The following G2E3 variants were observed in gnomAD, a reference collection of about 807,000 sequenced individuals.
G2E3 encodes G2/M phase-specific E3 ubiquitin-protein ligase.
In G2E3, 35 loss-of-function variants were observed where a neutral mutation model predicts 92.8. The observed-to-expected ratio is 0.38, with a 90% CI of 0.29 to 0.50. The LOEUF is 0.50. G2E3 is among the 20% of genes least tolerant of loss of function. The pLI is 0.94. For synonymous variants in G2E3, 242 were observed against 272.4 expected (o/e 0.89, Z 1.10); for missense variants, 554 against 823.8 (o/e 0.67, Z 4.01).
At chr14:30,575,538 G>A (rs568471681) in intron 1 of G2E3, among the ~76,000 whole-genome samples, 13 of 152,114 alleles carry the variant, frequency 8.5e-5, no homozygotes, top group Non-Finnish European at 1.5e-4. Context: ...GGCAAGAGAA[G>A]GAAATAAAGG....
intron 1 of G2E3, among the ~76,000 whole-genome samples, chr14:30,562,075 C>G (rs1261597149): frequency 6.6e-6 from 1 of 152,058 alleles, no homozygotes; most frequent in Non-Finnish European, 1.5e-5. Flanking sequence ...TCCTCACAAC[C>G]ATTTTATTAT....
Position 30,601,843 on chromosome 14 carries a change from T to G in G2E3, c.826T>G (p.Trp276Gly), listed in dbSNP as rs1459129318. The change falls in exon 9 of 15, where the codon TGG becomes GGG. Residue 276 changes from tryptophan to glycine, a missense_variant. By Grantham distance (184) the Trp-to-Gly change is radical. This residue lies in a region of G2E3 where 397 missense variants were observed against 560.3 expected (regional missense o/e 0.71). Coordinates refer to ENST00000206595, the MANE Select transcript of G2E3 (RefSeq NM_017769.5). Reference sequence around the variant, plus strand: ...TTTAGCCTGCTCCTCATTACGGTCATGGGAGCAAAATTGGGAGTGTTTGGA... The same window carrying G: ...TTTAGCCTGCTCCTCATTACGGTCAGGGGAGCAAAATTGGGAGTGTTTGGA... ...THLACSSLRSWEQNWECLECR... is the reference protein window; with the variant it reads ...THLACSSLRSGEQNWECLECR... The G allele has an allele frequency of 1.2e-6, 2 of 1,613,160 alleles. No homozygotes were observed. The highest frequency in any genetic ancestry group is 1.7e-6 in the Non-Finnish European group (2 of 1,179,252).
intron 1 of G2E3, chr14:30,574,457 G>A (rs1356768054): frequency 6.7e-6 from 1 of 149,100 alleles, no homozygotes; most frequent in Non-Finnish European, 1.5e-5. Context: ...GGGTACATGT[G>A]AAGGTTTGTT....
intron 1 of G2E3, among the ~76,000 whole-genome samples, chr14:30,565,730 C>T (rs1285650422): frequency 2.2e-5 from 3 of 136,184 alleles, no homozygotes; most frequent in East Asian, 4.5e-4. Context: ...GGCACAATCT[C>T]GGCTCACTGC....
intron 1 of G2E3, among the ~76,000 whole-genome samples, chr14:30,566,272 C>A (rs74677085): frequency 0.018 from 2,699 of 152,122 alleles, 39 homozygotes; most frequent in Non-Finnish European, 0.03. Flanking sequence ...CTTTTCCATT[C>A]CTGCAAAAAA....
At chr14:30,580,616 T>A (rs960881403) in intron 1 of G2E3, among the ~76,000 whole-genome samples, 1 of 152,238 alleles carries the variant, frequency 6.6e-6, no homozygotes, top group Non-Finnish European at 1.5e-5. Context: ...GAAGAAAAAT[T>A]AAATAGAAAT....
intron 11 of G2E3, 76 bp from the exon 12 acceptor site, chr14:30,607,812 A>T: frequency 1.3e-6 from 1 of 741,012 alleles, no homozygotes; most frequent in Non-Finnish European, 2.1e-6. Context: ...TTTTTGGACT[A>T]ATTTTTAATA....
At chr14:30,608,850 C>T (rs930988296) in intron 12 of G2E3, among the ~76,000 whole-genome samples, 1 of 152,202 alleles carries the variant, frequency 6.6e-6, no homozygotes, top group Non-Finnish European at 1.5e-5. Context: ...GGCGTGGTGG[C>T]ATGTGCCTGT....
chr14:30,606,391 T>C (rs2138897532), intron 11 of G2E3, among the ~76,000 whole-genome samples: 1 of 152,210 alleles, frequency 6.6e-6, no homozygotes, highest in South Asian at 2.1e-4. Context: ...ATAGGAAATT[T>C]GAAAGAAAAT....
At chr14:30,585,649 CTT>C (rs76296662) in intron 2 of G2E3, among the ~76,000 whole-genome samples, 1 of 144,830 alleles carries the variant, frequency 6.9e-6, no homozygotes, top group Non-Finnish European at 1.5e-5. Flanking sequence ...AAAGAACCAA[CTT>C]TTTTTTTTTA....
intron 3 of G2E3, among the ~76,000 whole-genome samples, chr14:30,589,113 C>CTTTTCT (rs1880871938): frequency 1.3e-5 from 2 of 151,932 alleles, no homozygotes; most frequent in Admixed American, 1.3e-4. Flanking sequence ...TCTTTCCTAT[C>CTTTTCT]TTTTCTTTTT....
At position 30,602,104 on chromosome 14, in the gene G2E3, C is replaced by T. The variant is rs142475306; in HGVS notation, c.983C>T (p.Pro328Leu). ...TCACCTAAATTACCCAGACAGTCAC[C>T]TGGATCCCAGAGTAAAGATCTACTG... The part of the protein sequence containing the change: ...ESSPKLPRQS[P>L]GSQSKDLLRQ... Residue 328 changes from proline (P) to leucine (L), a missense_variant, in exon 10 of 15, where the codon CCT becomes CTT. By Grantham distance (98) the Pro-to-Leu change is moderately conservative (BLOSUM62 -3). This residue lies in a region of G2E3 where 397 missense variants were observed against 560.3 expected (regional missense o/e 0.71). Coordinates refer to ENST00000206595, the MANE Select transcript of G2E3 (RefSeq NM_017769.5). The T allele has an allele frequency of 2.3e-4, 368 of 1,610,598 alleles. No homozygotes were observed. The African/African-American group carries it at 4.2e-3, about 19-fold the overall frequency.
chr14:30,591,334 A>G lies in G2E3; in HGVS notation c.238-989A>G, dbSNP rs558105432. Among the ~76,000 whole-genome samples the G allele has an allele frequency of 7.2e-5, 11 of 152,132 alleles. No individual in the cohort carries two copies. In the South Asian group the frequency reaches 1.9e-3, roughly 26 times the overall value. On this transcript the variant is annotated intron_variant, in intron 4 of 14. Coordinates refer to ENST00000206595, the MANE Select transcript of G2E3 (RefSeq NM_017769.5). ...CAAGGTGTTTTAGGTACTGTTCTGTATTTTGCTAATGATTGATTCATTTAA... is the reference window on the plus strand; with the variant it reads ...CAAGGTGTTTTAGGTACTGTTCTGTGTTTTGCTAATGATTGATTCATTTAA...
rs1437889081 is a variant in G2E3, at chr14:30,616,760, T to TA, written c.*227dup. 7.9e-6 allele frequency: 3 copies of TA among 379,520 alleles called. No individual in the cohort carries two copies. The highest frequency in any genetic ancestry group is 1.4e-5 in the Non-Finnish European group (3 of 213,178). 23.5% of individuals were successfully genotyped at this position (379,520 alleles called of 1,614,324 possible). A position where few individuals can be genotyped will look rare whatever the true frequency, so the allele number is the denominator to read the frequency against. ...TGGTGATAATTTCTCATTTTCTTGA[T>TA]ATAGATACTTCATAAACCTCAATAT... On this transcript the variant is annotated 3_prime_UTR_variant, in exon 15 of 15. Transcript: ENST00000206595.
At position 30,615,372 on chromosome 14, in the gene G2E3, T is replaced by G; in HGVS notation, c.1697T>G (p.Leu566Arg). ...AGTTTTAAGCAGGGTCTGAAAACCCTTGGTGTTTTGGAGAAAATTCAGGCT... is the reference window on the plus strand; with the variant it reads ...AGTTTTAAGCAGGGTCTGAAAACCCGTGGTGTTTTGGAGAAAATTCAGGCT... The part of the protein sequence containing the change: ...FESFKQGLKT[L>R]GVLEKIQAYP... The change falls in exon 14 of 15, where the codon CTT (leucine) becomes CGT (arginine). Residue 566 changes from leucine to arginine, a missense_variant. Physicochemically the swap from Leu to Arg is moderately radical, Grantham distance 102. Around this residue, in one of 3 missense-constraint regions of G2E3, gnomAD observed 397 missense variants for 560.3 expected, o/e 0.71. Coordinates refer to ENST00000206595, the MANE Select transcript of G2E3 (RefSeq NM_017769.5). The G allele has an allele frequency of 6.3e-7, 1 of 1,597,296 alleles. No individual in the cohort carries two copies. The highest frequency in any genetic ancestry group is 8.5e-7 in the Non-Finnish European group (1 of 1,172,012).
intron 2 of G2E3, among the ~76,000 whole-genome samples, chr14:30,585,844 C>T (rs999668019): frequency 6.6e-6 from 1 of 152,068 alleles, no homozygotes; most frequent in Non-Finnish European, 1.5e-5. Flanking sequence ...TAAACATCAG[C>T]CAGAGGTGAG....
At chr14:30,562,278 A>G (rs1242148395) in intron 1 of G2E3, among the ~76,000 whole-genome samples, 6 of 152,224 alleles carry the variant, frequency 3.9e-5, no homozygotes, top group Admixed American at 3.9e-4. Flanking sequence ...TAGATCTTAG[A>G]TATGATTATA....
intron 4 of G2E3, chr14:30,590,735 A>C (rs1463159995): frequency 2.2e-6 from 1 of 455,796 alleles, no homozygotes; most frequent in East Asian, 6.9e-5. Context: ...GGTGAGCATG[A>C]ATCTAAGGAC....
intron 10 of G2E3, among the ~76,000 whole-genome samples, chr14:30,603,706 A>G (rs1300281324): frequency 6.6e-6 from 1 of 152,152 alleles, no homozygotes; most frequent in Non-Finnish European, 1.5e-5. Flanking sequence ...ATAGCCAGGT[A>G]TGGTGGTGTG....
Sources: allele counts gnomAD v4.1 joint callset (sites outside exome capture counted in the v4.1 genomes callset), GRCh38; gene constraint gnomAD v4.1.1; regional missense constraint gnomAD v4.1.1; transcripts MANE v1.5; gene names NCBI Gene and HGNC (gene_info 2026-07-23, HGNC 2026-07-21).